The following POLK variants were observed in gnomAD, a reference collection of about 807,000 sequenced individuals.
POLK encodes the protein DNA polymerase kappa.
In POLK, 76 loss-of-function variants were observed where a neutral mutation model predicts 94.0. The ratio of observed to expected loss-of-function variants is 0.81; its 90% confidence interval spans 0.67 to 0.98. The LOEUF (loss-of-function observed/expected upper bound fraction) is 0.98, where lower values mean the gene tolerates loss of function less well. Among genes scored for constraint, POLK ranks in the 50% least tolerant of loss-of-function variants. POLK has a pLI of 0.00. For missense variants in POLK, 954 were observed against 1,010.1 expected (o/e 0.94, Z 0.75); for synonymous variants, 349 against 325.4 (o/e 1.07, Z -0.78).
At chr5:75,572,805 A>G (rs1402735224) in intron 4 of POLK, among the ~76,000 whole-genome samples, 1 of 152,190 alleles carries the variant, frequency 6.6e-6, no homozygotes, top group Non-Finnish European at 1.5e-5. Flanking sequence ...AATCAAAACC[A>G]CAATGAGATA....
At chr5:75,596,682 T>G (rs746434148) in exon 13 of POLK, 1 of 1,614,024 alleles carries the variant, frequency 6.2e-7, no homozygotes, top group South Asian at 1.1e-5. Context: ...CGTGTTCACA[T>G]GTTTCTGCTA....
chr5:75,548,660 C>T (rs946816254), intron 2 of POLK, among the ~76,000 whole-genome samples: 5 of 151,534 alleles, frequency 3.3e-5, no homozygotes, highest in African/African-American at 7.3e-5. Context: ...TTAGGAAATG[C>T]GTGGTGATGT....
chr5:75,559,954 G>T (rs1348525854), intron 3 of POLK, among the ~76,000 whole-genome samples: 2 of 152,096 alleles, frequency 1.3e-5, no homozygotes, highest in African/African-American at 2.4e-5. Context: ...ATAGAAATGG[G>T]ATATTTATAA....
chr5:75,542,815 C>G (rs1331322198), intron 1 of POLK, among the ~76,000 whole-genome samples: 3 of 150,254 alleles, frequency 2.0e-5, no homozygotes, highest in Non-Finnish European at 3.0e-5. Context: ...CAGTTTCAAG[C>G]AATTCTCCTG....
chr5:75,567,888 C>T (rs1203318121), intron 3 of POLK, among the ~76,000 whole-genome samples: 6 of 152,164 alleles, frequency 3.9e-5, no homozygotes, highest in South Asian at 2.1e-4. Context: ...GGGGAAGCCT[C>T]CTACAGATTT....
intron 10 of POLK, among the ~76,000 whole-genome samples, chr5:75,589,377 A>G (rs1414054928): frequency 8.1e-6 from 1 of 123,032 alleles, no homozygotes. Context: ...TATTTTATAT[A>G]TATACACACA....
rs1768038109 is a variant in POLK at position 75,511,927 on chromosome 5, C to T, written c.-14+13C>T. 12 of 1,119,378 alleles carry T rather than the reference C, an allele frequency of 1.1e-5. No individual in the cohort carries two copies. Among genetic ancestry groups the T allele is most frequent in the Non-Finnish European group, 1.5e-5 (12 of 789,344 alleles). The allele number at this position is 1,119,378 out of a possible 1,614,324, so 69.3% of individuals were successfully genotyped here. A position where few individuals can be genotyped will look rare whatever the true frequency, so the allele number is the denominator to read the frequency against. ...CCTGAGGTAACGGGTGAGTATCCCG[C>T]GCGGGGATCGCTTGTCCCCTTGGGG... On this transcript the variant is annotated intron_variant, in intron 1 of 14. Transcript: ENST00000241436.
chr5:75,594,863 A>C (rs1772981768), intron 12 of POLK, among the ~76,000 whole-genome samples: 1 of 152,220 alleles, frequency 6.6e-6, no homozygotes, highest in South Asian at 2.1e-4. Context: ...CACCACTCCA[A>C]ATGCACATTT....
chr5:75,530,810 CTT>C (rs1166307868), intron 1 of POLK, among the ~76,000 whole-genome samples: 13 of 133,738 alleles, frequency 9.7e-5, no homozygotes, highest in Admixed American at 1.5e-4. Flanking sequence ...CTTTTCTTTT[CTT>C]TTTTTTTTTT....
At chr5:75,518,445 A>G (rs914813125) in intron 1 of POLK, among the ~76,000 whole-genome samples, 1 of 152,104 alleles carries the variant, frequency 6.6e-6, no homozygotes, top group African/African-American at 2.4e-5. Flanking sequence ...ATAGTATATA[A>G]TGATTCTTTG....
chr5:75,514,943 T>C (rs762113534), intron 1 of POLK, among the ~76,000 whole-genome samples: 10 of 152,208 alleles, frequency 6.6e-5, no homozygotes, highest in African/African-American at 9.6e-5. Context: ...CAGAGCCAGA[T>C]AGATTACATT....
intron 1 of POLK, among the ~76,000 whole-genome samples, chr5:75,539,990 C>T (rs1017417111): frequency 6.6e-6 from 1 of 151,808 alleles, no homozygotes; most frequent in Non-Finnish European, 1.5e-5. Flanking sequence ...AGTTTTAAAC[C>T]CCTGCCATAC....
At chr5:75,558,041 G>A (rs757897888) in intron 3 of POLK, among the ~76,000 whole-genome samples, 2 of 152,020 alleles carry the variant, frequency 1.3e-5, no homozygotes, top group Non-Finnish European at 2.9e-5. Flanking sequence ...CACCTGCCTC[G>A]GCCTCCAAAA....
intron 1 of POLK, among the ~76,000 whole-genome samples, chr5:75,523,687 T>A (rs1336063249): frequency 6.6e-6 from 1 of 152,230 alleles, no homozygotes; most frequent in East Asian, 1.9e-4. Flanking sequence ...TGGGAATTTT[T>A]GAAGCCTTGG....
intron 1 of POLK, among the ~76,000 whole-genome samples, chr5:75,544,641 CTGAA>C (rs61178645): frequency 1.5e-3 from 223 of 151,582 alleles, no homozygotes; most frequent in African/African-American, 3.7e-3. Flanking sequence ...GACTTTGTCT[CTGAA>C]TGAATGAATG....
intron 12 of POLK, among the ~76,000 whole-genome samples, chr5:75,595,246 C>CAGAAAAA (rs1773005751): frequency 4.6e-5 from 1 of 21,676 alleles, no homozygotes; most frequent in African/African-American, 4.8e-4. Context: ...AACTCCACCT[C>CAGAAAAA]AGAAAAAAAA....
chr5:75,540,950 C>T (rs909749593), intron 1 of POLK, among the ~76,000 whole-genome samples: 3 of 152,048 alleles, frequency 2.0e-5, no homozygotes, highest in Non-Finnish European at 4.4e-5. Flanking sequence ...ACCTGGAAGG[C>T]TTTTTATAAA....
chr5:75,556,984 G>C (rs1770657544), intron 3 of POLK, among the ~76,000 whole-genome samples: 2 of 152,120 alleles, frequency 1.3e-5, no homozygotes, highest in Non-Finnish European at 2.9e-5. Context: ...GATTGTTTGG[G>C]CCTGGGAGGT....
intron 10 of POLK, among the ~76,000 whole-genome samples, chr5:75,587,355 T>C (rs1207659448): frequency 6.6e-6 from 1 of 152,182 alleles, no homozygotes; most frequent in Non-Finnish European, 1.5e-5. Flanking sequence ...ATAAGGACAA[T>C]TGAGTATTTA....
Sources: allele counts gnomAD v4.1 joint callset (sites outside exome capture counted in the v4.1 genomes callset), GRCh38; gene constraint gnomAD v4.1.1; transcripts MANE v1.5; gene names NCBI Gene and HGNC (gene_info 2026-07-23, HGNC 2026-07-21).